KIF25: variants seen among roughly 807,000 people sequenced by gnomAD.
KIF25 encodes the protein kinesin family member 25, also known as kinesin-like protein KIF25.
Under a neutral mutation model 32.9 loss-of-function variants are expected in KIF25, and 19 were observed. That is an observed-to-expected ratio of 0.58 (90% CI 0.40 to 0.85). The LOEUF (loss-of-function observed/expected upper bound fraction) is 0.85. Among genes scored for constraint, KIF25 ranks in the 40% least tolerant of loss-of-function variants. The pLI is 0.00. For synonymous variants in KIF25, 225 were observed against 213.7 expected (o/e 1.05, Z -0.46); for missense variants, 485 against 507.0 (o/e 0.96, Z 0.42).
At chr6:168,015,665 A>C (rs888727147) in intron 4 of KIF25, among the ~76,000 whole-genome samples, 2 of 152,194 alleles carry the variant, frequency 1.3e-5, no homozygotes, top group Admixed American at 6.5e-5. Flanking sequence ...AGCCAAGAGA[A>C]ATGAATCCTT....
Position 168,040,144 on chromosome 6 carries a change from C to T in KIF25, c.574C>T (p.His192Tyr). 1.2e-6 allele frequency: 2 copies of T among 1,614,120 alleles called. No homozygotes were observed. Among genetic ancestry groups the T allele is most frequent in the Non-Finnish European group, 1.7e-6 (2 of 1,180,036 alleles). ...QLRAKHPTLVHADSSRSHLII... is the reference protein window; with the variant it reads ...QLRAKHPTLVYADSSRSHLII... ...CAGGGCGAAGCACCCCACCCTGGTG[C>T]ACGCGGATTCCTCCAGGTCTCACCT... Residue 192 changes from histidine to tyrosine, a missense_variant, in exon 10 of 13, where the codon CAC (histidine) becomes TAC (tyrosine). Around this residue, in one of 2 missense-constraint regions of KIF25, gnomAD observed 480 missense variants for 470.3 expected, o/e 1.02. Coordinates refer to ENST00000643607, the MANE Select transcript of KIF25 (RefSeq NM_030615.4).
At chr6:168,028,311 A>G (rs1264366873) in intron 5 of KIF25, among the ~76,000 whole-genome samples, 2 of 152,124 alleles carry the variant, frequency 1.3e-5, no homozygotes, top group Non-Finnish European at 1.5e-5. Flanking sequence ...TGGCCTCCCA[A>G]AGTGCTAGGA....
intron 4 of KIF25, among the ~76,000 whole-genome samples, chr6:168,011,675 G>A (rs1221623173): frequency 6.6e-6 from 1 of 152,198 alleles, no homozygotes; most frequent in African/African-American, 2.4e-5. Context: ...GAGAGGACCT[G>A]CCTGGGGGTT....
In KIF25 at chr6:167,998,329, G is replaced by A. The variant is rs960401155; in HGVS notation, c.-1140G>A. The A allele has an allele frequency of 1.3e-5, 2 of 152,212 alleles. No individual in the cohort carries two copies. The highest frequency in any genetic ancestry group is 2.4e-5 in the African/African-American group (1 of 41,434). The allele number at this position is 152,212 out of a possible 1,614,324, so 9.4% of individuals were successfully genotyped here. A position where few individuals can be genotyped will look rare whatever the true frequency, so the allele number is the denominator to read the frequency against. On this transcript the variant is annotated 5_prime_UTR_variant, in exon 1 of 13. An upstream start codon of the reference 5' UTR is lost. Coordinates refer to ENST00000643607, the MANE Select transcript of KIF25 (RefSeq NM_030615.4). The stretch of plus-strand genomic sequence containing the variant: ...GCAGTGCGCGGCCCATGGAGAATAT[G>A]CAGGCAGAGGCTGATCCCAGCTTCT...
At position 168,034,036 on chromosome 6, in the gene KIF25, T is replaced by C. The variant is rs369016560; in HGVS notation, c.317+5T>C. ...AGTGGCTGAGGAGCTCTTCAGGTAC[T>C]GCCGATGGTGATGAGTGGGGCAGAG... On this transcript the variant is annotated splice_donor_5th_base_variant and intron_variant, in intron 8 of 12. Transcript: ENST00000643607. 5.0e-6 allele frequency: 8 copies of C among 1,613,840 alleles called. No individual in the cohort carries two copies. The highest frequency in any genetic ancestry group is 6.8e-6 in the Non-Finnish European group (8 of 1,179,880).
chr6:168,016,473 T>C (rs1562383280), intron 4 of KIF25, among the ~76,000 whole-genome samples: 1 of 152,102 alleles, frequency 6.6e-6, no homozygotes, highest in Non-Finnish European at 1.5e-5. Flanking sequence ...ATTGCCAGAG[T>C]CACTGTGGTG....
At position 168,042,716 on chromosome 6, in the gene KIF25, GGT is replaced by G. The variant is rs538746279; in HGVS notation, c.985+1_985+2del. 433 of 1,607,950 alleles carry G rather than the reference GGT, an allele frequency of 2.7e-4. 6 individuals are homozygous for G. The South Asian group carries it at 4.6e-3, about 17-fold the overall frequency. ...CACCCACCTCCTTCAGGACTGCCTC[GGT>G]AACCGTTTTCCCCAAAATGCCCCAG... On this transcript the variant is annotated splice_donor_variant, in intron 12 of 12. Coordinates refer to ENST00000643607, the MANE Select transcript of KIF25 (RefSeq NM_030615.4). LOFTEE classifies it high-confidence loss of function.
intron 4 of KIF25, among the ~76,000 whole-genome samples, chr6:168,010,196 T>C (rs558494925): frequency 7.2e-5 from 11 of 152,122 alleles, no homozygotes; most frequent in Non-Finnish European, 1.6e-4. Context: ...CATTTATTGC[T>C]ACAGACTTGG....
intron 8 of KIF25, among the ~76,000 whole-genome samples, chr6:168,037,468 C>T (rs889464953): frequency 6.6e-6 from 1 of 152,116 alleles, no homozygotes; most frequent in Admixed American, 6.6e-5. Context: ...CATCACCATG[C>T]AGGTGGTAGA....
At chr6:168,008,887 T>C (rs1330151870) in intron 4 of KIF25, among the ~76,000 whole-genome samples, 1 of 152,158 alleles carries the variant, frequency 6.6e-6, no homozygotes, top group Non-Finnish European at 1.5e-5. Context: ...AGTTCATTGC[T>C]CATATATAGA....
intron 4 of KIF25, among the ~76,000 whole-genome samples, chr6:168,011,478 G>A (rs1359790783): frequency 6.6e-6 from 1 of 152,016 alleles, no homozygotes; most frequent in Admixed American, 6.5e-5. Context: ...AATATTATTG[G>A]CTGAATTATT....
chr6:168,042,452 T>TGG, intron 11 of KIF25, 109 bp from the exon 12 acceptor site: 1 of 1,363,308 alleles, frequency 7.3e-7, no homozygotes, highest in Non-Finnish European at 1.0e-6. Context: ...GTCCCGTCCA[T>TGG]GGCCTCCCCT....
rs76509302 is a variant in KIF25 at position 168,016,749 on chromosome 6, G to T, written c.-162-1224G>T. ...TACAGCAACAACATAAAGGACAGGT[G>T]GGAGGGGTGCTGGACTGGAGGCAGA... On this transcript the variant is annotated intron_variant, in intron 4 of 12. Coordinates refer to ENST00000643607, the MANE Select transcript of KIF25 (RefSeq NM_030615.4). 8.4e-3 allele frequency among the ~76,000 whole-genome samples: 1,285 copies of T among 152,366 alleles called. 21 individuals carry two copies. Among genetic ancestry groups the T allele is most frequent in the African/African-American group, 0.03 (1,241 of 41,586 alleles).
At chr6:168,039,187 C>T (rs940126531) in intron 9 of KIF25, among the ~76,000 whole-genome samples, 3 of 152,102 alleles carry the variant, frequency 2.0e-5, no homozygotes, top group Non-Finnish European at 4.4e-5. Flanking sequence ...AAAAAACCTT[C>T]ATAAGAGCCC....
chr6:168,027,864 A>G (rs1456882636), intron 5 of KIF25, among the ~76,000 whole-genome samples: 2 of 152,148 alleles, frequency 1.3e-5, no homozygotes, highest in African/African-American at 2.4e-5. Flanking sequence ...TCACTTCTCT[A>G]CAAGGACTGA....
chr6:168,012,448 C>A (rs969478091), intron 4 of KIF25, among the ~76,000 whole-genome samples: 16 of 152,158 alleles, frequency 1.1e-4, no homozygotes, highest in Admixed American at 3.9e-4. Context: ...TCTCAGTGGC[C>A]TACAGTGAGG....
At chr6:168,042,919 G>T (rs1332921819) in intron 12 of KIF25, among the ~76,000 whole-genome samples, 2 of 152,150 alleles carry the variant, frequency 1.3e-5, no homozygotes, top group Non-Finnish European at 2.9e-5. Flanking sequence ...GTGCTTGTTC[G>T]GTCTGTGTGT....
intron 12 of KIF25, 125 bp downstream of exon 12, chr6:168,042,841 T>A: frequency 8.7e-7 from 1 of 1,147,970 alleles, no homozygotes; most frequent in Non-Finnish European, 1.2e-6. Flanking sequence ...GTGTCCTCGC[T>A]GTGGCTAGCT....
At chr6:168,038,774 T>C (rs6931509) in intron 9 of KIF25, 45 bp downstream of exon 9, 43,664 of 1,587,000 alleles carry the variant, frequency 0.028, 2,269 homozygotes, top group African/African-American at 0.21. Flanking sequence ...TGAGTGAGAA[T>C]GGCACCTGCC....
Sources: gnomAD v4.1 joint callset for allele counts (sites outside exome capture counted in the v4.1 genomes callset) on GRCh38, gnomAD v4.1.1 for gene constraint, gnomAD v4.1.1 regional missense constraint, MANE v1.5 for transcripts, NCBI Gene and HGNC (gene_info 2026-07-23, HGNC 2026-07-21) for gene names.